The following ARHGAP5 variants were observed in gnomAD, a reference collection of about 807,000 sequenced individuals.
ARHGAP5 encodes the protein Rho GTPase activating protein 5, also known as rho GTPase-activating protein 5.
ARHGAP5 carries 23 observed loss-of-function variants against 116.6 expected under a neutral mutation model. The ratio of observed to expected loss-of-function variants is 0.20; its 90% CI spans 0.14 to 0.28. ARHGAP5 has a LOEUF of 0.28. ARHGAP5 is among the 10% of genes least tolerant of loss of function. The probability of loss-of-function intolerance (pLI) is 1.00; values close to 1 mark genes in which losing one functional copy is unlikely to be tolerated. For synonymous variants in ARHGAP5, 574 were observed against 602.0 expected, an observed-to-expected ratio of 0.95 and a Z score of 0.68; for missense variants, 1,405 against 1,774.8, an observed-to-expected ratio of 0.79 and a Z score of 3.74.
Position 32,090,737 on chromosome 14 carries a change from C to G in ARHGAP5, c.68C>G (p.Thr23Ser). 6.2e-7 allele frequency: 1 copy of G among 1,613,500 alleles called. No individual in the cohort carries two copies. Among genetic ancestry groups the G allele is most frequent in the Non-Finnish European group, 8.5e-7 (1 of 1,179,576 alleles). Residue 23 changes from threonine to serine, a missense_variant, in exon 2 of 7, where the codon ACT becomes AGT. Physicochemically the swap from Thr to Ser is moderately conservative, Grantham distance 58. Transcript: ENST00000345122. ...YTISIVGLSGTEKDKGNCGVG... is the reference protein window; with the variant it reads ...YTISIVGLSGSEKDKGNCGVG... Reference sequence around the variant, plus strand: ...ATCAGTATAGTTGGACTCTCTGGGACTGAAAAAGACAAAGGTAACTGTGGA... The same window carrying G: ...ATCAGTATAGTTGGACTCTCTGGGAGTGAAAAAGACAAAGGTAACTGTGGA...
intron 3 of ARHGAP5, among the ~76,000 whole-genome samples, chr14:32,142,534 T>A (rs748033200): frequency 6.6e-6 from 1 of 152,236 alleles, no homozygotes; most frequent in African/African-American, 2.4e-5. Context: ...TTTCTTTAAA[T>A]ATCTGGAGCC....
chr14:32,117,831 G>C (rs949584470), intron 3 of ARHGAP5, among the ~76,000 whole-genome samples: 3 of 152,098 alleles, frequency 2.0e-5, no homozygotes, highest in African/African-American at 7.2e-5. Flanking sequence ...TTAAAAACAA[G>C]CCTGCTCTTA....
rs181730152 is a variant in ARHGAP5 at position 32,080,695 on chromosome 14, G to T, written c.-169+3260G>T. 5.6e-4 allele frequency among the ~76,000 whole-genome samples: 86 copies of T among 152,234 alleles called. No homozygotes were observed. In the East Asian group the frequency reaches 0.013, roughly 23 times the overall value. ...ATGCCTGTTTTCCTCAGGACCTCTG[G>T]GAATCATTCATAGAAGAAGAAACAT... On this transcript the variant is annotated intron_variant, in intron 1 of 6. Coordinates refer to ENST00000345122, the MANE Select transcript of ARHGAP5 (RefSeq NM_001030055.2).
At chr14:32,078,778 C>T (rs1833885524) in intron 1 of ARHGAP5, among the ~76,000 whole-genome samples, 1 of 152,030 alleles carries the variant, frequency 6.6e-6, no homozygotes, top group African/African-American at 2.4e-5. Flanking sequence ...CTAGATGCAG[C>T]GATTAGACAT....
chr14:32,105,469 A>G (rs1201812393), intron 2 of ARHGAP5, among the ~76,000 whole-genome samples: 1 of 151,696 alleles, frequency 6.6e-6, no homozygotes, highest in African/African-American at 2.4e-5. Context: ...GTTGATTCAT[A>G]TGCTATTGTT....
chr14:32,080,876 A>G (rs978167712), intron 1 of ARHGAP5, among the ~76,000 whole-genome samples: 1 of 152,138 alleles, frequency 6.6e-6, no homozygotes, highest in Non-Finnish European at 1.5e-5. Context: ...TCTGTGTTTT[A>G]CTTCATAGAA....
chr14:32,084,191 G>GT (rs2041806087), intron 1 of ARHGAP5, among the ~76,000 whole-genome samples: 2 of 152,256 alleles, frequency 1.3e-5, no homozygotes, highest in African/African-American at 4.8e-5. Context: ...CAGCAGTGAA[G>GT]TTTTTTTCAA....
chr14:32,097,029 G>GT (rs1878558764), intron 2 of ARHGAP5, among the ~76,000 whole-genome samples: 1 of 152,130 alleles, frequency 6.6e-6, no homozygotes, highest in South Asian at 2.1e-4. Context: ...TTGAATGGAT[G>GT]TAAGTCTGCT....
Position 32,159,225 on chromosome 14 carries a change from T to G in ARHGAP5, c.*4277T>G, listed in dbSNP as rs1316923567. On this transcript the variant is annotated 3_prime_UTR_variant, in exon 7 of 7. Transcript: ENST00000345122. ...TCATTTTTACCAGTAGTTAGTAGTA[T>G]TAAGACCTGCAGTATATGCACTTTT... 5 of 152,264 alleles carry G rather than the reference T, an allele frequency of 3.3e-5. No individual in the cohort carries two copies. The Middle Eastern group carries it at 0.01, about 311-fold the overall frequency. The allele number at this position is 152,264 out of a possible 1,614,324, so 9.4% of individuals were successfully genotyped here.
chr14:32,148,392 A>G (rs1881490651), intron 4 of ARHGAP5, among the ~76,000 whole-genome samples: 1 of 152,086 alleles, frequency 6.6e-6, no homozygotes, highest in African/African-American at 2.4e-5. Flanking sequence ...TGGCAAGTTA[A>G]TCTTTCTAAA....
intron 3 of ARHGAP5, among the ~76,000 whole-genome samples, chr14:32,134,602 C>T (rs943680378): frequency 1.3e-5 from 2 of 152,044 alleles, no homozygotes; most frequent in African/African-American, 2.4e-5. Context: ...TCAAAATAGC[C>T]GGCCTATTGA....
rs114126627 is a variant in ARHGAP5, at chr14:32,083,310, A to C, written c.-169+5875A>C. Among the ~76,000 whole-genome samples, 1,314 of 152,396 alleles carry C rather than the reference A, an allele frequency of 8.6e-3. 11 individuals are homozygous for C. The highest frequency in any genetic ancestry group is 0.024 in the Middle Eastern group (7 of 294). ...GATATGTGAAAATTACATGAAATTC[A>C]AATTTTCCTAAGTAAAGTTTACTGT... On this transcript the variant is annotated intron_variant, in intron 1 of 6. Coordinates refer to ENST00000345122, the MANE Select transcript of ARHGAP5 (RefSeq NM_001030055.2).
chr14:32,110,431 A>T (rs965075829), intron 2 of ARHGAP5, among the ~76,000 whole-genome samples: 29 of 151,770 alleles, frequency 1.9e-4, no homozygotes, highest in African/African-American at 6.3e-4. Context: ...AGTAGCTGGG[A>T]TTGGATTACA....
intron 3 of ARHGAP5, among the ~76,000 whole-genome samples, chr14:32,124,031 G>C (rs113141076): frequency 0.018 from 2,753 of 152,210 alleles, 32 homozygotes; most frequent in Non-Finnish European, 0.028. Flanking sequence ...CTCTTTCTCT[G>C]TGTATTTCTC....
intron 3 of ARHGAP5, among the ~76,000 whole-genome samples, chr14:32,133,209 T>G (rs1594382520): frequency 6.6e-6 from 1 of 152,232 alleles, no homozygotes; most frequent in Non-Finnish European, 1.5e-5. Flanking sequence ...TGATTCTTCC[T>G]ACCCATGAGC....
intron 1 of ARHGAP5, among the ~76,000 whole-genome samples, chr14:32,088,100 A>G (rs1422848840): frequency 6.6e-6 from 1 of 151,984 alleles, no homozygotes; most frequent in Admixed American, 6.6e-5. Context: ...GCTATTGGAG[A>G]GCAGAAGTGA....
chr14:32,119,849 G>A (rs761089239), intron 3 of ARHGAP5, among the ~76,000 whole-genome samples: 1 of 152,088 alleles, frequency 6.6e-6, no homozygotes, highest in East Asian at 1.9e-4. Context: ...ACTTGGTCAT[G>A]TTTTATCCTT....
At position 32,090,768 on chromosome 14, in the gene ARHGAP5, A is replaced by G. The variant is rs1318028270; in HGVS notation, c.99A>G (p.Gly33=). 4.3e-6 allele frequency: 7 copies of G among 1,613,624 alleles called. No individual in the cohort carries two copies. Among genetic ancestry groups the G allele is most frequent in the Non-Finnish European group, 5.9e-6 (7 of 1,179,608 alleles). ...AAGACAAAGGTAACTGTGGAGTTGG[A>G]AAGTCTTGTTTGTGCAATAGATTTG... ...TEKDKGNCGV[G]KSCLCNRFVR... The change falls in exon 2 of 7, where the codon GGA becomes GGG. Residue 33 remains glycine, a synonymous_variant. Transcript: ENST00000345122.
At chr14:32,134,574 C>T (rs12878328) in intron 3 of ARHGAP5, among the ~76,000 whole-genome samples, 1 of 152,154 alleles carries the variant, frequency 6.6e-6, no homozygotes, top group African/African-American at 2.4e-5. Flanking sequence ...ACATTTACTT[C>T]AGCTGTTGTT....
Sources: allele counts gnomAD v4.1 joint callset (sites outside exome capture counted in the v4.1 genomes callset), GRCh38; gene constraint gnomAD v4.1.1; transcripts MANE v1.5; gene names NCBI Gene and HGNC (gene_info 2026-07-23, HGNC 2026-07-21).